The following CDH12 variants were observed in gnomAD, a reference collection of about 807,000 sequenced individuals.
The protein encoded by CDH12 is cadherin-12.
Under a neutral mutation model 74.1 loss-of-function variants are expected in CDH12, and 41 were observed. The ratio of observed to expected loss-of-function variants is 0.55; its 90% CI spans 0.43 to 0.72. The LOEUF is 0.72. CDH12 is among the 30% of genes least tolerant of loss of function. The probability of loss-of-function intolerance (pLI) is 0.00; values close to 1 mark genes in which losing one functional copy is unlikely to be tolerated. For missense variants in CDH12, 945 were observed against 977.2 expected (o/e 0.97, Z 0.44); for synonymous variants, 399 against 355.0 (o/e 1.12, Z -1.39).
chr5:22,588,143 T>C (rs939737584), intron 1 of CDH12, among the ~76,000 whole-genome samples: 7 of 151,470 alleles, frequency 4.6e-5, no homozygotes, highest in Non-Finnish European at 7.4e-5. Context: ...GACCATTTAT[T>C]CTATTAGGTT....
rs192603852 is a variant in CDH12 at position 22,451,424 on chromosome 5, A to T, written c.-427-46073T>A. 6.2e-3 allele frequency among the ~76,000 whole-genome samples: 946 copies of T among 152,098 alleles called. 7 individuals are homozygous for T. Among genetic ancestry groups the T allele is most frequent in the African/African-American group, 0.021 (889 of 41,546 alleles). ...ATGCGAGGATGGTTCACTATATGCAAATCAATACACATGATCTAGCACCTC... is the reference window on the plus strand; with the variant it reads ...ATGCGAGGATGGTTCACTATATGCATATCAATACACATGATCTAGCACCTC... On this transcript the variant is annotated intron_variant, in intron 2 of 14. Coordinates refer to ENST00000382254, the MANE Select transcript of CDH12 (RefSeq NM_004061.5).
intron 2 of CDH12, among the ~76,000 whole-genome samples, chr5:22,459,655 A>C (rs550445663): frequency 6.6e-6 from 1 of 152,316 alleles, no homozygotes; most frequent in Admixed American, 6.5e-5. Flanking sequence ...AAATAATAAG[A>C]AAATAATTGC....
At chr5:22,776,973 A>T (rs1747136152) in intron 1 of CDH12, among the ~76,000 whole-genome samples, 1 of 152,162 alleles carries the variant, frequency 6.6e-6, no homozygotes, top group South Asian at 2.1e-4. Context: ...CACCAAGTAA[A>T]AATGTTGAAG....
In CDH12 at chr5:21,882,821, T is replaced by G. The variant is rs1243285732; in HGVS notation, c.527-28031A>C. ...GAAGTCCCAACGTAACAAAAGATGGTGTGACTGTTGCAAAGTCAATTGACT... is the reference window on the plus strand; with the variant it reads ...GAAGTCCCAACGTAACAAAAGATGGGGTGACTGTTGCAAAGTCAATTGACT... On this transcript the variant is annotated intron_variant, in intron 6 of 14. Coordinates refer to ENST00000382254, the MANE Select transcript of CDH12 (RefSeq NM_004061.5). 5.6e-5 allele frequency: 86 copies of G among 1,548,768 alleles called. No individual in the cohort carries two copies. The Middle Eastern group carries it at 7.2e-4, about 13-fold the overall frequency.
chr5:21,884,215 C>G (rs1752511406), intron 6 of CDH12: 1 of 1,574,984 alleles, frequency 6.3e-7, no homozygotes. Context: ...TTAACTACAG[C>G]AGAAGTTGTA....
intron 2 of CDH12, among the ~76,000 whole-genome samples, chr5:22,440,903 T>C (rs1415699642): frequency 6.6e-6 from 1 of 152,170 alleles, no homozygotes; most frequent in East Asian, 1.9e-4. Context: ...AATACGGACA[T>C]TTTAAGCAAG....
At chr5:22,343,315 C>CAG (rs1338642401) in intron 3 of CDH12, among the ~76,000 whole-genome samples, 18 of 123,348 alleles carry the variant, frequency 1.5e-4, no homozygotes, top group African/African-American at 6.3e-4. Context: ...CACACACAGA[C>CAG]ACACACACAG....
chr5:22,808,725 C>T (rs1181193860), intron 1 of CDH12, among the ~76,000 whole-genome samples: 2 of 146,190 alleles, frequency 1.4e-5, no homozygotes, highest in Non-Finnish European at 3.0e-5. Flanking sequence ...CTGCCTCAGC[C>T]TGTAGCTGAG....
At chr5:22,148,902 C>T (rs1187776896) in intron 4 of CDH12, among the ~76,000 whole-genome samples, 2 of 152,242 alleles carry the variant, frequency 1.3e-5, no homozygotes, top group South Asian at 2.1e-4. Flanking sequence ...ATGCGGAACA[C>T]GAGGTCAGGA....
intron 4 of CDH12, among the ~76,000 whole-genome samples, chr5:22,202,991 G>C (rs1328768855): frequency 6.6e-6 from 1 of 151,774 alleles, no homozygotes; most frequent in Non-Finnish European, 1.5e-5. Context: ...CATAATAATT[G>C]TGCATAATTA....
rs541836997 is a variant in CDH12, at chr5:22,749,886, A to G, written c.-523+103172T>C. On this transcript the variant is annotated intron_variant, in intron 1 of 14. Transcript: ENST00000382254. The stretch of plus-strand genomic sequence containing the variant: ...TTGATACATTACGTTTTCGTATGTT[A>G]GCATTATTTTTGAGTTGCATAGACA... Among the ~76,000 whole-genome samples the G allele has an allele frequency of 5.9e-5, 9 of 152,350 alleles. No homozygotes were observed. The East Asian group carries it at 1.7e-3, about 29-fold the overall frequency.
intron 2 of CDH12, among the ~76,000 whole-genome samples, chr5:22,420,321 T>G (rs1743585217): frequency 6.6e-6 from 1 of 152,176 alleles, no homozygotes; most frequent in Non-Finnish European, 1.5e-5. Flanking sequence ...TACATTTAAG[T>G]CTTTAATCCA....
chr5:22,627,376 G>T (rs1259023501), intron 1 of CDH12, among the ~76,000 whole-genome samples: 1 of 151,508 alleles, frequency 6.6e-6, no homozygotes, highest in Non-Finnish European at 1.5e-5. Flanking sequence ...AACCCATCAG[G>T]CTAACATCAG....
At position 22,369,804 on chromosome 5, in the gene CDH12, A is replaced by C. The variant is rs192726008; in HGVS notation, c.-333+35453T>G. On this transcript the variant is annotated intron_variant, in intron 3 of 14. Coordinates refer to ENST00000382254, the MANE Select transcript of CDH12 (RefSeq NM_004061.5). Reference sequence around the variant, plus strand: ...TTTTGTCCCTGTGTGCTATTTTTAAACACTCAAAATCATTCATAGTGACTG... The same window carrying C: ...TTTTGTCCCTGTGTGCTATTTTTAACCACTCAAAATCATTCATAGTGACTG... Among the ~76,000 whole-genome samples, 140 of 152,318 alleles carry C rather than the reference A, an allele frequency of 9.2e-4. 1 individual carries two copies. Among genetic ancestry groups the C allele is most frequent in the African/African-American group, 3.2e-3 (133 of 41,574 alleles).
intron 5 of CDH12, among the ~76,000 whole-genome samples, chr5:22,007,224 G>A (rs192394225): frequency 3.9e-5 from 6 of 152,282 alleles, no homozygotes; most frequent in East Asian, 1.9e-4. Flanking sequence ...AACATTAAAT[G>A]AGGATGATAA....
intron 1 of CDH12, among the ~76,000 whole-genome samples, chr5:22,705,245 T>C (rs887372548): frequency 6.6e-6 from 1 of 151,148 alleles, no homozygotes; most frequent in African/African-American, 2.4e-5. Context: ...GAAGGAGGAA[T>C]TGAGATGCAG....
chr5:21,982,514 TAGAG>T (rs1322159898), intron 5 of CDH12, among the ~76,000 whole-genome samples: 6 of 151,744 alleles, frequency 4.0e-5, no homozygotes, highest in Admixed American at 2.6e-4. Context: ...TATACCTATA[TAGAG>T]AGATACATCT....
intron 1 of CDH12, among the ~76,000 whole-genome samples, chr5:22,703,204 G>T (rs2126962402): frequency 6.6e-6 from 1 of 152,166 alleles, no homozygotes. Flanking sequence ...GGGGATCTTT[G>T]TGCTATAAAA....
At chr5:22,715,753 A>T (rs1346012376) in intron 1 of CDH12, among the ~76,000 whole-genome samples, 1 of 151,110 alleles carries the variant, frequency 6.6e-6, no homozygotes, top group East Asian at 1.9e-4. Context: ...GTGAACCAAG[A>T]TCGCGCCATT....
Sources: allele counts gnomAD v4.1 joint callset (sites outside exome capture counted in the v4.1 genomes callset), GRCh38; gene constraint gnomAD v4.1.1; transcripts MANE v1.5; gene names NCBI Gene and HGNC (gene_info 2026-07-23, HGNC 2026-07-21).